The following NSD1 variants were observed in gnomAD, a reference collection of about 807,000 sequenced individuals.
NSD1 encodes the protein histone-lysine N-methyltransferase, H3 lysine-36 specific.
A neutral mutation model predicts 242.7 loss-of-function variants in NSD1; 26 were observed. That is an observed-to-expected ratio of 0.11 (90% CI 0.08 to 0.15). The LOEUF is 0.15. NSD1 is among the 10% of genes least tolerant of loss of function. NSD1 has a pLI of 1.00. For synonymous variants in NSD1, 1,106 were observed against 1,178.1 expected (o/e 0.94, Z 1.25); for missense variants, 2,495 against 3,272.8 (o/e 0.76, Z 5.80).
intron 2 of NSD1, among the ~76,000 whole-genome samples, chr5:177,140,384 C>G (rs1756714357): frequency 6.6e-6 from 1 of 152,112 alleles, no homozygotes. Context: ...GAAATTCAGA[C>G]TGAAGCATTT....
chr5:177,278,408 C>T lies in NSD1; in HGVS notation c.5623-2157C>T, dbSNP rs573236691. On this transcript the variant is annotated intron_variant, in intron 17 of 22. Coordinates refer to ENST00000439151, the MANE Select transcript of NSD1 (RefSeq NM_022455.5). ...TACAGATGTGAGCCACTGCACCTGG[C>T]CTCCTCCTGTTAAATGTTGATAGAA... Among the ~76,000 whole-genome samples, 44 of 152,292 alleles carry T rather than the reference C, an allele frequency of 2.9e-4. No homozygotes were observed. The South Asian group carries it at 8.9e-3, about 31-fold the overall frequency.
At chr5:177,248,380 A>AC in intron 11 of NSD1, 56 bp downstream of exon 11, 1 of 1,568,058 alleles carries the variant, frequency 6.4e-7, no homozygotes, top group Non-Finnish European at 8.7e-7. Flanking sequence ...TTAAAGGGAA[A>AC]CCCACTCCAT....
chr5:177,168,863 A>G (rs1485073403), intron 2 of NSD1, among the ~76,000 whole-genome samples: 1 of 152,152 alleles, frequency 6.6e-6, no homozygotes, highest in African/African-American at 2.4e-5. Context: ...TTTTCCTGCA[A>G]AAAAGTAGTT....
intron 2 of NSD1, among the ~76,000 whole-genome samples, chr5:177,154,090 C>G (rs1420958409): frequency 6.6e-6 from 1 of 152,114 alleles, no homozygotes; most frequent in Admixed American, 6.6e-5. Flanking sequence ...TCCAAGACGG[C>G]TCACTCATAT....
intron 13 of NSD1, among the ~76,000 whole-genome samples, chr5:177,258,412 C>T (rs544487840): frequency 2.0e-4 from 30 of 152,114 alleles, no homozygotes; most frequent in African/African-American, 6.7e-4. Context: ...TAGAAATTTT[C>T]TTCTGCTTCA....
At chr5:177,260,611 G>T (rs928826499) in intron 14 of NSD1, among the ~76,000 whole-genome samples, 3 of 152,068 alleles carry the variant, frequency 2.0e-5, no homozygotes, top group Admixed American at 2.0e-4. Context: ...GCCTCCCAAA[G>T]TGCTGGGATT....
At chr5:177,183,595 C>T (rs762168367) in intron 2 of NSD1, among the ~76,000 whole-genome samples, 1 of 152,126 alleles carries the variant, frequency 6.6e-6, no homozygotes, top group Non-Finnish European at 1.5e-5. Flanking sequence ...GAGTTACCAT[C>T]CCCTCAAGGA....
rs115529016 is a variant in NSD1, at chr5:177,230,102, G to T, written c.3797-5719G>T. On this transcript the variant is annotated intron_variant, in intron 5 of 22. Transcript: ENST00000439151. ...CACCATGCTGTTTCACTTACAATAT[G>T]TTACTCTATTTGTGTTTTATTTTTA... Among the ~76,000 whole-genome samples, 822 of 151,996 alleles carry T rather than the reference G, an allele frequency of 5.4e-3. 6 individuals are homozygous for T. The highest frequency in any genetic ancestry group is 0.019 in the African/African-American group (777 of 41,472).
At chr5:177,232,590 C>T (rs181045624) in intron 5 of NSD1, among the ~76,000 whole-genome samples, 149 of 152,326 alleles carry the variant, frequency 9.8e-4, no homozygotes, top group African/African-American at 3.5e-3. Flanking sequence ...CGGATTTTCC[C>T]ATGCAATTAT....
At chr5:177,222,138 T>C (rs1452124278) in intron 5 of NSD1, among the ~76,000 whole-genome samples, 1 of 150,202 alleles carries the variant, frequency 6.7e-6, no homozygotes. Context: ...TTTATTATTA[T>C]TACTTTTTGA....
chr5:177,260,752 G>T (rs1756935493), intron 14 of NSD1, among the ~76,000 whole-genome samples: 1 of 151,764 alleles, frequency 6.6e-6, no homozygotes, highest in Non-Finnish European at 1.5e-5. Flanking sequence ...AACAATTGAA[G>T]CAGTAAAGAC....
rs1244840132 is a variant in NSD1, at chr5:177,211,027, C to T, written c.2628C>T (p.Val876=). The change falls in exon 5 of 23, where the codon GTC becomes GTT. Residue 876 remains valine (V), a synonymous_variant. Coordinates refer to ENST00000439151, the MANE Select transcript of NSD1 (RefSeq NM_022455.5). The part of the protein sequence containing the change: ...ELSYRSLGED[V]SDSGTSKPSK... Reference sequence around the variant, plus strand: ...CTTACAGATCCTTAGGTGAGGATGTCAGTGACTCTGGAACATCAAAGCCAT... The same window carrying T: ...CTTACAGATCCTTAGGTGAGGATGTTAGTGACTCTGGAACATCAAAGCCAT... The T allele has an allele frequency of 6.2e-7, 1 of 1,614,200 alleles. No individual in the cohort carries two copies. The highest frequency in any genetic ancestry group is 8.5e-7 in the Non-Finnish European group (1 of 1,180,016).
chr5:177,183,147 T>G (rs1395985912), intron 2 of NSD1, among the ~76,000 whole-genome samples: 1 of 152,174 alleles, frequency 6.6e-6, no homozygotes, highest in Non-Finnish European at 1.5e-5. Context: ...CCAGGCTGGA[T>G]ATTCTTTTCT....
At chr5:177,256,275 C>CTTTT (rs147226070) in intron 12 of NSD1, among the ~76,000 whole-genome samples, 5 of 76,852 alleles carry the variant, frequency 6.5e-5, no homozygotes, top group African/African-American at 1.1e-4. Flanking sequence ...TGCCCCCACA[C>CTTTT]TTTTTTTTTT....
intron 17 of NSD1, among the ~76,000 whole-genome samples, chr5:177,277,752 C>T (rs1758514849): frequency 1.3e-5 from 2 of 152,096 alleles, no homozygotes; most frequent in Non-Finnish European, 2.9e-5. Context: ...GTCCCAGCTA[C>T]CTGAATCACC....
chr5:177,162,430 C>G (rs1050532438), intron 2 of NSD1, among the ~76,000 whole-genome samples: 2 of 152,122 alleles, frequency 1.3e-5, no homozygotes, highest in Non-Finnish European at 2.9e-5. Context: ...GGGTCTCACT[C>G]TGTCACGCAG....
At chr5:177,135,035 C>G (rs1581088790) in intron 1 of NSD1, 52 bp from the exon 2 acceptor site, 3 of 1,490,374 alleles carry the variant, frequency 2.0e-6, no homozygotes, top group South Asian at 1.1e-5. Flanking sequence ...TTTAAAGAGT[C>G]GAGTCAGATG....
intron 3 of NSD1, among the ~76,000 whole-genome samples, chr5:177,197,375 C>A (rs561135772): frequency 6.1e-4 from 93 of 152,318 alleles, no homozygotes; most frequent in Non-Finnish European, 1.1e-3. Context: ...ATAATCCCAG[C>A]ACTTCGGGAG....
intron 8 of NSD1, among the ~76,000 whole-genome samples, chr5:177,241,603 C>T (rs914870176): frequency 2.0e-5 from 3 of 151,984 alleles, no homozygotes; most frequent in African/African-American, 7.2e-5. Context: ...AATAACTCTT[C>T]GTCACGGTTG....
Sources: allele counts gnomAD v4.1 joint callset (sites outside exome capture counted in the v4.1 genomes callset), GRCh38; gene constraint gnomAD v4.1.1; transcripts MANE v1.5; gene names NCBI Gene and HGNC (gene_info 2026-07-23, HGNC 2026-07-21).